AGBL4: variants seen among roughly 807,000 people sequenced by gnomAD.
AGBL4 encodes cytosolic carboxypeptidase 6.
A neutral mutation model predicts 66.4 loss-of-function variants in AGBL4; 58 were observed. The observed-to-expected ratio is 0.87, with a 90% CI of 0.71 to 1.09. AGBL4 has a LOEUF of 1.09. Among genes scored for constraint, AGBL4 ranks in the 50% least tolerant of loss-of-function variants. AGBL4 has a pLI of 0.00. For synonymous variants in AGBL4, 234 were observed against 222.9 expected (o/e 1.05, Z -0.44); for missense variants, 579 against 631.0 (o/e 0.92, Z 0.88).
Position 49,035,502 on chromosome 1 carries a change from T to C in AGBL4, c.594+10082A>G, listed in dbSNP as rs184485051. ...TATATGTTGACATACTTCTGGGGTC[T>C]TGCATTACTTTTCTCCTGATTCTTC... On this transcript the variant is annotated intron_variant, in intron 5 of 13. Coordinates refer to ENST00000371839, the MANE Select transcript of AGBL4 (RefSeq NM_032785.4). Among the ~76,000 whole-genome samples the C allele has an allele frequency of 4.6e-4, 70 of 152,306 alleles. 1 individual carries two copies. In the South Asian group the frequency reaches 9.5e-3, roughly 21 times the overall value.
chr1:48,762,326 G>A (rs559308251), intron 6 of AGBL4, among the ~76,000 whole-genome samples: 4 of 152,168 alleles, frequency 2.6e-5, no homozygotes, highest in African/African-American at 9.6e-5. Context: ...TTCTTTTTCT[G>A]CACAGATTTC....
chr1:49,967,134 G>A (rs2148354427), intron 1 of AGBL4, among the ~76,000 whole-genome samples: 1 of 152,234 alleles, frequency 6.6e-6, no homozygotes, highest in Middle Eastern at 3.4e-3. Flanking sequence ...CAGTGTAAAA[G>A]CATTCCTATT....
rs534306129 is a variant in AGBL4 at position 49,347,486 on chromosome 1, C to T, written c.283-101622G>A. ...CAGGATGGTTTCGATCTCCTGACCTCATGATCCGCCCGCCTCAGCTTCCCA... is the reference window on the plus strand; with the variant it reads ...CAGGATGGTTTCGATCTCCTGACCTTATGATCCGCCCGCCTCAGCTTCCCA... On this transcript the variant is annotated intron_variant, in intron 3 of 13. Coordinates refer to ENST00000371839, the MANE Select transcript of AGBL4 (RefSeq NM_032785.4). Among the ~76,000 whole-genome samples the T allele has an allele frequency of 5.3e-5, 8 of 151,986 alleles. No homozygotes were observed. The South Asian group carries it at 1.7e-3, about 32-fold the overall frequency.
In AGBL4 at chr1:49,462,816, GC is replaced by G. The variant is rs112845222; in HGVS notation, c.283-216953del. Among the ~76,000 whole-genome samples the G allele has an allele frequency of 1.3e-5, 2 of 151,604 alleles. 1 individual carries two copies. Among genetic ancestry groups the G allele is most frequent in the Non-Finnish European group, 3.0e-5 (2 of 67,760 alleles). ...TAGTCTGTTGGAGAATTTTTGTGCT[GC>G]TTTTCATGTCAAGGACATCTGGGAC... On this transcript the variant is annotated intron_variant, in intron 3 of 13. Transcript: ENST00000371839.
intron 3 of AGBL4, among the ~76,000 whole-genome samples, chr1:49,308,632 A>G (rs920607978): frequency 6.6e-5 from 10 of 152,190 alleles, no homozygotes; most frequent in Non-Finnish European, 1.0e-4. Flanking sequence ...AAGGACTGAT[A>G]ATAGGACACT....
chr1:49,850,743 T>C (rs1429921582), intron 2 of AGBL4, among the ~76,000 whole-genome samples: 50 of 152,240 alleles, frequency 3.3e-4, no homozygotes, highest in Admixed American at 1.7e-3. Context: ...TGAAAATTAA[T>C]AATTATTTGT....
At chr1:49,952,869 C>T (rs1300337375) in intron 1 of AGBL4, among the ~76,000 whole-genome samples, 1 of 151,828 alleles carries the variant, frequency 6.6e-6, no homozygotes, top group African/African-American at 2.4e-5. Context: ...CTATAGCAAC[C>T]AAAACAAAAC....
chr1:49,639,319 A>G (rs576607048), intron 3 of AGBL4, among the ~76,000 whole-genome samples: 1 of 152,334 alleles, frequency 6.6e-6, no homozygotes, highest in Non-Finnish European at 1.5e-5. Flanking sequence ...GAAAATAATA[A>G]TGATACTAAA....
chr1:48,666,681 A>G (rs1646193713), intron 6 of AGBL4, among the ~76,000 whole-genome samples: 1 of 152,232 alleles, frequency 6.6e-6, no homozygotes, highest in African/African-American at 2.4e-5. Context: ...AAGAGAGTTA[A>G]GTGACTTGTC....
At chr1:49,242,643 G>C (rs1300832751) in intron 4 of AGBL4, among the ~76,000 whole-genome samples, 1 of 151,896 alleles carries the variant, frequency 6.6e-6, no homozygotes, top group African/African-American at 2.4e-5. Flanking sequence ...AATGAGTTAT[G>C]AGCATCAGAA....
At chr1:48,588,872 G>GAAGAGA (rs1644870768) in intron 10 of AGBL4, among the ~76,000 whole-genome samples, 1 of 151,964 alleles carries the variant, frequency 6.6e-6, no homozygotes, top group African/African-American at 2.4e-5. Flanking sequence ...GAAGAGAAGA[G>GAAGAGA]ACAGCAATTG....
rs34838490 is a variant in AGBL4, at chr1:48,742,680, C to T, written c.635-79439G>A. 66 of 1,610,952 alleles carry T rather than the reference C, an allele frequency of 4.1e-5. No homozygotes were observed. In the Middle Eastern group the frequency reaches 4.9e-4, roughly 12 times the overall value. On this transcript the variant is annotated intron_variant, in intron 6 of 13. Transcript: ENST00000371839. The stretch of plus-strand genomic sequence containing the variant: ...CAGGCGCAGGAGCGGGGTAATAGGA[C>T]GACGTATTTGCTTCCTCACTGAAAG...
intron 3 of AGBL4, among the ~76,000 whole-genome samples, chr1:49,334,315 T>C (rs241467): frequency 0.69 from 105,068 of 151,974 alleles, 37,162 homozygotes; most frequent in African/African-American, 0.8. Context: ...CTATATCAAA[T>C]GACCTCATAC....
intron 4 of AGBL4, among the ~76,000 whole-genome samples, chr1:49,237,485 C>T (rs1650851879): frequency 8.0e-6 from 1 of 124,462 alleles, no homozygotes; most frequent in Admixed American, 8.0e-5. Flanking sequence ...AATAGAGTCA[C>T]TCATCCTTTT....
At chr1:49,766,979 T>A (rs6671257) in intron 2 of AGBL4, among the ~76,000 whole-genome samples, 138,171 of 152,188 alleles carry the variant, frequency 0.91, 62,960 homozygotes, top group African/African-American at 0.97. Context: ...CTCTGAAAAG[T>A]ATTAGACAGC....
chr1:49,892,751 A>G (rs1648778364), intron 1 of AGBL4, among the ~76,000 whole-genome samples: 1 of 152,196 alleles, frequency 6.6e-6, no homozygotes, highest in African/African-American at 2.4e-5. Context: ...ATTATTATTC[A>G]TATTTTGTAG....
intron 3 of AGBL4, among the ~76,000 whole-genome samples, chr1:49,665,809 T>C (rs1646353485): frequency 6.6e-6 from 1 of 151,998 alleles, no homozygotes; most frequent in South Asian, 2.1e-4. Flanking sequence ...CATCTGCTTT[T>C]AAAATTTTGC....
chr1:49,020,345 C>T (rs773368030), intron 5 of AGBL4, among the ~76,000 whole-genome samples: 3 of 152,144 alleles, frequency 2.0e-5, no homozygotes, highest in Non-Finnish European at 4.4e-5. Flanking sequence ...TTCATGGAAC[C>T]TCATCCACAC....
chr1:48,689,191 G>A (rs1177867444), intron 6 of AGBL4, among the ~76,000 whole-genome samples: 4 of 124,710 alleles, frequency 3.2e-5, no homozygotes, highest in African/African-American at 1.1e-4. Context: ...GTGACAGAGC[G>A]AGACCCGGTC....
Sources: gnomAD v4.1 joint callset for allele counts (sites outside exome capture counted in the v4.1 genomes callset) on GRCh38, gnomAD v4.1.1 for gene constraint, MANE v1.5 for transcripts, NCBI Gene and HGNC (gene_info 2026-07-23, HGNC 2026-07-21) for gene names.